IGF1: variants seen among roughly 807,000 people sequenced by gnomAD.
The protein encoded by IGF1 is insulin like growth factor 1, also known as insulin-like growth factor 1.
IGF1 carries 4 observed loss-of-function variants against 13.8 expected under a neutral mutation model. The ratio of observed to expected loss-of-function variants is 0.29; its 90% CI spans 0.14 to 0.66. The LOEUF is 0.66. Ranked by LOEUF, IGF1 falls within the 30% of genes least tolerant of loss-of-function variation. The pLI, the probability that IGF1 is intolerant of heterozygous loss-of-function variation, is 0.78. For synonymous variants in IGF1, 76 were observed against 72.6 expected (o/e 1.05, Z -0.23); for missense variants, 124 against 188.5 (o/e 0.66, Z 2.00).
At chr12:102,448,291 A>C (rs1878539092) in intron 2 of IGF1, among the ~76,000 whole-genome samples, 1 of 149,166 alleles carries the variant, frequency 6.7e-6, no homozygotes, top group African/African-American at 2.5e-5. Flanking sequence ...AACCAACCCA[A>C]ATGTCCAACA....
At chr12:102,420,572 G>T (rs1280659041) in intron 2 of IGF1, among the ~76,000 whole-genome samples, 2 of 152,146 alleles carry the variant, frequency 1.3e-5, no homozygotes, top group Admixed American at 6.6e-5. Flanking sequence ...ACCGTGTACA[G>T]AAGTCTTGGG....
chr12:102,427,999 C>G (rs972429426), intron 2 of IGF1, among the ~76,000 whole-genome samples: 1 of 151,650 alleles, frequency 6.6e-6, no homozygotes, highest in African/African-American at 2.4e-5. Flanking sequence ...TCTATAGCAC[C>G]TAGCACAGTG....
chr12:102,441,955 C>CTTCTTCTTCTTCTTCTTCTTTCTTTTTT (rs1555244164), intron 2 of IGF1, among the ~76,000 whole-genome samples: 1 of 139,980 alleles, frequency 7.1e-6, no homozygotes, highest in Non-Finnish European at 1.6e-5. Flanking sequence ...TCTTCTTCTT[C>CTTCTTCTTCTTCTTCTTCTTTCTTTTTT]TTTTTTTTTT....
At chr12:102,416,706 G>A (rs1437309645) in intron 3 of IGF1, among the ~76,000 whole-genome samples, 1 of 152,168 alleles carries the variant, frequency 6.6e-6, no homozygotes, top group Non-Finnish European at 1.5e-5. Context: ...TCTGTGGTGG[G>A]GTGGTGGAGG....
intron 3 of IGF1, among the ~76,000 whole-genome samples, chr12:102,416,986 G>A (rs1482433654): frequency 1.3e-5 from 2 of 152,170 alleles, no homozygotes; most frequent in African/African-American, 4.8e-5. Context: ...AAGATGAAGT[G>A]AAGACACAGG....
rs558420822 is a variant in IGF1, at chr12:102,399,303, C to T, written c.*3204G>A. 2 of 152,398 alleles carry T rather than the reference C, an allele frequency of 1.3e-5. No individual in the cohort carries two copies. The highest frequency in any genetic ancestry group is 1.3e-4 in the Admixed American group (2 of 15,216). The allele number at this position is 152,398 out of a possible 1,614,324, so 9.4% of individuals were successfully genotyped here. A position where few individuals can be genotyped will look rare whatever the true frequency, so the allele number is the denominator to read the frequency against. On this transcript the variant is annotated 3_prime_UTR_variant, in exon 4 of 4. Transcript: ENST00000337514. ...GGGGAAGAGAGAACAGAAATTTGAC[C>T]TAAGTATCCAGTATGGTCAATTAAA...
At chr12:102,462,808 AGGTGAATGCAATTAACT>A in intron 2 of IGF1, 1 of 152,360 alleles carries the variant, frequency 6.6e-6, no homozygotes, top group South Asian at 2.1e-4. Context: ...TGGAATTATA[AGGTGAATGCAATTAACT>A]GGCAGTCGCA....
chr12:102,448,667 T>C (rs1414349796), intron 2 of IGF1, among the ~76,000 whole-genome samples: 8 of 128,186 alleles, frequency 6.2e-5, no homozygotes, highest in African/African-American at 2.3e-4. Context: ...TGTGCACATG[T>C]ACCCTAAAAC....
intron 2 of IGF1, among the ~76,000 whole-genome samples, chr12:102,435,311 A>G (rs538409095): frequency 4.6e-5 from 7 of 152,292 alleles, no homozygotes; most frequent in East Asian, 1.9e-4. Flanking sequence ...CACTTACCCA[A>G]TATTAGTTAA....
At position 102,402,533 on chromosome 12, in the gene IGF1, C is replaced by T; in HGVS notation, c.436G>A (p.Ala146Thr). 6.4e-6 allele frequency: 5 copies of T among 780,874 alleles called. No individual in the cohort carries two copies. The East Asian group carries it at 7.3e-5, about 11-fold the overall frequency. The allele number at this position is 780,874 out of a possible 1,614,324, so 48.4% of individuals were successfully genotyped here. A position where few individuals can be genotyped will look rare whatever the true frequency, so the allele number is the denominator to read the frequency against. The change falls in exon 4 of 4, where the codon GCA becomes ACA. Residue 146 changes from alanine to threonine, a missense_variant. Coordinates refer to ENST00000337514, the MANE Select transcript of IGF1 (RefSeq NM_000618.5). ...TACATCCTGTAGTTCTTGTTTCCTG[C>T]ACTCCCTCTACTTGCGTTCTTCAAA... ...VHLKNASRGS[A>T]GNKNYRM
chr12:102,430,878 T>G (rs1475342739), intron 2 of IGF1, among the ~76,000 whole-genome samples: 1 of 152,254 alleles, frequency 6.6e-6, no homozygotes, highest in Non-Finnish European at 1.5e-5. Flanking sequence ...CCATCACAAA[T>G]TCTTTGCATT....
At position 102,475,531 on chromosome 12, in the gene IGF1, G is replaced by A. The variant is rs1592837242; in HGVS notation, c.220+112C>T. 1.1e-5 allele frequency: 13 copies of A among 1,236,198 alleles called. No homozygotes were observed. In the East Asian group the frequency reaches 3.0e-4, roughly 29 times the overall value. The allele number at this position is 1,236,198 out of a possible 1,614,324, so 76.6% of individuals were successfully genotyped here. ...GTGAGGAATCTCAGAGGCCTAGGAT[G>A]GCTGCCAGATACGGGCACTCATTCA... On this transcript the variant is annotated intron_variant, in intron 2 of 3. Transcript: ENST00000337514.
chr12:102,426,906 A>G (rs1876254674), intron 2 of IGF1, among the ~76,000 whole-genome samples: 1 of 152,006 alleles, frequency 6.6e-6, no homozygotes, highest in Non-Finnish European at 1.5e-5. Flanking sequence ...TCTGCTACTG[A>G]CAGCCTTTGA....
Position 102,396,754 on chromosome 12 carries a change from C to T in IGF1, c.*5753G>A, listed in dbSNP as rs1356704566. ...TCTGTCTCCATCTTAACTCATATTT[C>T]AGTTGAGCAGTAACATTTGGTTTTG... On this transcript the variant is annotated 3_prime_UTR_variant, in exon 4 of 4. Coordinates refer to ENST00000337514, the MANE Select transcript of IGF1 (RefSeq NM_000618.5). 2.5e-6 allele frequency: 1 copy of T among 394,884 alleles called. No homozygotes were observed. The highest frequency in any genetic ancestry group is 4.5e-6 in the Non-Finnish European group (1 of 224,242). The allele number at this position is 394,884 out of a possible 1,614,324, so 24.5% of individuals were successfully genotyped here.
Position 102,402,532 on chromosome 12 carries a change from G to T in IGF1, c.437C>A (p.Ala146Glu), listed in dbSNP as rs1240818498. 1 of 780,828 alleles carries T rather than the reference G, an allele frequency of 1.3e-6. No homozygotes were observed. The highest frequency in any genetic ancestry group is 2.4e-6 in the Non-Finnish European group (1 of 417,954). The allele number at this position is 780,828 out of a possible 1,614,324, so 48.4% of individuals were successfully genotyped here. ...CTACATCCTGTAGTTCTTGTTTCCT[G>T]CACTCCCTCTACTTGCGTTCTTCAA... is the stretch of plus-strand genomic sequence containing the variant. ...VHLKNASRGSAGNKNYRM is the reference protein window; with the variant it reads ...VHLKNASRGSEGNKNYRM Residue 146 changes from alanine (A) to glutamate (E), a missense_variant, in exon 4 of 4, where the codon GCA becomes GAA. Coordinates refer to ENST00000337514, the MANE Select transcript of IGF1 (RefSeq NM_000618.5).
At chr12:102,406,683 G>T (rs181433002) in intron 3 of IGF1, among the ~76,000 whole-genome samples, 1 of 152,070 alleles carries the variant, frequency 6.6e-6, no homozygotes, top group Admixed American at 6.5e-5. Flanking sequence ...GGACAGACAC[G>T]CATATTTAGG....
chr12:102,448,344 G>T lies in IGF1; in HGVS notation c.220+27299C>A, dbSNP rs1592795910. 2.0e-5 allele frequency among the ~76,000 whole-genome samples: 3 copies of T among 149,956 alleles called. No homozygotes were observed. In the South Asian group the frequency reaches 6.4e-4, roughly 32 times the overall value. On this transcript the variant is annotated intron_variant, in intron 2 of 3. Coordinates refer to ENST00000337514, the MANE Select transcript of IGF1 (RefSeq NM_000618.5). Reference sequence around the variant, plus strand: ...GAAAATGTGGCACACATACACCATGGAATACTATGCAGCCATAAAAAATGA... The same window carrying T: ...GAAAATGTGGCACACATACACCATGTAATACTATGCAGCCATAAAAAATGA...
rs1873457972 is a variant in IGF1 at position 102,399,019 on chromosome 12, G to T, written c.*3488C>A. On this transcript the variant is annotated 3_prime_UTR_variant, in exon 4 of 4. Coordinates refer to ENST00000337514, the MANE Select transcript of IGF1 (RefSeq NM_000618.5). ...AGGAGAGGAAGGATTCTCAAGGGTG[G>T]ACAGGCTTTTTGTTTGTTTGTTTGT... 1 of 152,374 alleles carries T rather than the reference G, an allele frequency of 6.6e-6. No individual in the cohort carries two copies. Among genetic ancestry groups the T allele is most frequent in the Non-Finnish European group, 1.5e-5 (1 of 68,020 alleles). The allele number at this position is 152,374 out of a possible 1,614,324, so 9.4% of individuals were successfully genotyped here.
intron 1 of IGF1, chr12:102,478,415 A>G: frequency 1.0e-6 from 1 of 1,001,564 alleles, no homozygotes; most frequent in East Asian, 2.8e-5. Flanking sequence ...ATATTAATTG[A>G]TTCCAGATGT....
Sources: allele counts gnomAD v4.1 joint callset (sites outside exome capture counted in the v4.1 genomes callset), GRCh38; gene constraint gnomAD v4.1.1; transcripts MANE v1.5; gene names NCBI Gene and HGNC (gene_info 2026-07-23, HGNC 2026-07-21).